The following IQCM variants were observed in gnomAD, a reference collection of about 807,000 sequenced individuals.
The protein encoded by IQCM is IQ domain-containing protein M.
A neutral mutation model predicts 57.6 loss-of-function variants in IQCM; 45 were observed. The observed-to-expected ratio is 0.78, with a 90% CI of 0.62 to 1.00. The LOEUF is 1.00. Among genes scored for constraint, IQCM ranks in the 50% least tolerant of loss-of-function variants. The probability of loss-of-function intolerance (pLI) is 0.00; values close to 1 mark genes in which losing one functional copy is unlikely to be tolerated. For synonymous variants in IQCM, 148 were observed against 158.9 expected, an observed-to-expected ratio of 0.93 and a Z score of 0.51; for missense variants, 468 against 511.6, an observed-to-expected ratio of 0.91 and a Z score of 0.82.
intron 9 of IQCM, among the ~76,000 whole-genome samples, chr4:149,564,681 G>T (rs1353110098): frequency 6.6e-6 from 1 of 152,090 alleles, no homozygotes; most frequent in Non-Finnish European, 1.5e-5. Flanking sequence ...CTTCCGTACT[G>T]GTTGCCTCCT....
chr4:149,508,579 T>C (rs1744072667), intron 12 of IQCM, among the ~76,000 whole-genome samples: 1 of 152,224 alleles, frequency 6.6e-6, no homozygotes, highest in Non-Finnish European at 1.5e-5. Context: ...TTTGCAATGG[T>C]TGTATTTACC....
chr4:149,620,431 A>G (rs1756229790), intron 8 of IQCM, among the ~76,000 whole-genome samples: 2 of 152,218 alleles, frequency 1.3e-5, no homozygotes, highest in Non-Finnish European at 2.9e-5. Context: ...GATAAAGGAC[A>G]GGACAGACAT....
intron 5 of IQCM, among the ~76,000 whole-genome samples, chr4:149,696,166 T>A (rs190650602): frequency 6.6e-6 from 1 of 152,154 alleles, no homozygotes; most frequent in Non-Finnish European, 1.5e-5. Context: ...CCTTGTACAG[T>A]GGTTGCTCTG....
chr4:149,721,123 T>G (rs892250689), intron 5 of IQCM, among the ~76,000 whole-genome samples: 1 of 152,094 alleles, frequency 6.6e-6, no homozygotes, highest in African/African-American at 2.4e-5. Context: ...AATATTTTTT[T>G]AAAATACACA....
intron 13 of IQCM, among the ~76,000 whole-genome samples, chr4:149,405,950 T>C (rs1732952904): frequency 6.7e-6 from 1 of 149,218 alleles, no homozygotes; most frequent in Non-Finnish European, 1.5e-5. Flanking sequence ...CCCTTTCTCC[T>C]TAAACCCCTT....
At chr4:149,464,154 T>C (rs1738597820) in intron 12 of IQCM, among the ~76,000 whole-genome samples, 1 of 152,160 alleles carries the variant, frequency 6.6e-6, no homozygotes, top group African/African-American at 2.4e-5. Context: ...AACTATTGAC[T>C]CAGAATGTTC....
chr4:149,355,963 G>A (rs1728944992), intron 13 of IQCM, among the ~76,000 whole-genome samples: 1 of 152,116 alleles, frequency 6.6e-6, no homozygotes, highest in Non-Finnish European at 1.5e-5. Flanking sequence ...GTATCTCACT[G>A]TGGTTTTGAT....
At chr4:149,812,309 GT>G (rs1188999746) in intron 2 of IQCM, among the ~76,000 whole-genome samples, 1 of 152,070 alleles carries the variant, frequency 6.6e-6, no homozygotes, top group Non-Finnish European at 1.5e-5. Flanking sequence ...TTAGTTACAT[GT>G]TTTTTAACTT....
intron 5 of IQCM, among the ~76,000 whole-genome samples, chr4:149,688,159 T>G (rs2149791644): frequency 6.6e-6 from 1 of 152,062 alleles, no homozygotes; most frequent in South Asian, 2.1e-4. Context: ...GAAGTCAAAC[T>G]GTCACTGTTT....
chr4:149,567,531 A>C (rs1750747431), intron 9 of IQCM, among the ~76,000 whole-genome samples: 1 of 151,958 alleles, frequency 6.6e-6, no homozygotes, highest in African/African-American at 2.4e-5. Flanking sequence ...TATTTTCAGT[A>C]GAGACGGGGT....
At chr4:149,536,783 T>C (rs749512980) in intron 12 of IQCM, among the ~76,000 whole-genome samples, 1 of 152,058 alleles carries the variant, frequency 6.6e-6, no homozygotes, top group South Asian at 2.1e-4. Flanking sequence ...TCCATTAGTA[T>C]GTTCTCATGA....
intron 13 of IQCM, among the ~76,000 whole-genome samples, chr4:149,408,590 G>T (rs958917732): frequency 3.3e-5 from 5 of 152,094 alleles, no homozygotes; most frequent in Middle Eastern, 3.2e-3. Flanking sequence ...GAGTCTTAAA[G>T]AACTTGGAAA....
chr4:149,797,048 G>T (rs1773175059), intron 2 of IQCM, among the ~76,000 whole-genome samples: 1 of 152,024 alleles, frequency 6.6e-6, no homozygotes, highest in Non-Finnish European at 1.5e-5. Context: ...AGGAAAACAT[G>T]ATCTCACCAA....
chr4:149,591,029 A>G (rs1753110065), intron 8 of IQCM, among the ~76,000 whole-genome samples: 1 of 152,060 alleles, frequency 6.6e-6, no homozygotes, highest in African/African-American at 2.4e-5. Context: ...TATGTAAGTC[A>G]TTTATTAAAC....
At chr4:149,587,350 T>C (rs1322631317) in intron 9 of IQCM, among the ~76,000 whole-genome samples, 3 of 151,772 alleles carry the variant, frequency 2.0e-5, no homozygotes, top group Non-Finnish European at 4.4e-5. Context: ...GTATTCCCAG[T>C]GAATAAGAAA....
intron 12 of IQCM, among the ~76,000 whole-genome samples, chr4:149,435,572 T>TAAAAAAA (rs112641970): frequency 1.4e-5 from 2 of 139,808 alleles, no homozygotes; most frequent in African/African-American, 5.2e-5. Context: ...TTCTACTTAT[T>TAAAAAAA]AAAAAAAAAA....
intron 8 of IQCM, among the ~76,000 whole-genome samples, chr4:149,589,624 A>T (rs1432582911): frequency 6.6e-6 from 1 of 151,952 alleles, no homozygotes; most frequent in Middle Eastern, 3.2e-3. Context: ...CATGGCATTC[A>T]TTTCTTAAGA....
At chr4:149,594,380 A>T (rs1753547337) in intron 8 of IQCM, among the ~76,000 whole-genome samples, 2 of 151,780 alleles carry the variant, frequency 1.3e-5, no homozygotes, top group Non-Finnish European at 2.9e-5. Flanking sequence ...GCGGTCTATC[A>T]ATTTTGTTGA....
At chr4:149,455,976 TAAAAAATA>T in intron 12 of IQCM, among the ~76,000 whole-genome samples, 1 of 151,672 alleles carries the variant, frequency 6.6e-6, no homozygotes, top group East Asian at 1.9e-4. Context: ...CCTTGTGTCT[TAAAAAATA>T]AAAATAAAAT....
Sources: gnomAD v4.1 joint callset for allele counts (sites outside exome capture counted in the v4.1 genomes callset) on GRCh38, gnomAD v4.1.1 for gene constraint, MANE v1.5 for transcripts, NCBI Gene and HGNC (gene_info 2026-07-23, HGNC 2026-07-21) for gene names.